DCAF6: variants seen among roughly 807,000 people sequenced by gnomAD.
The protein encoded by DCAF6 is DDB1- and CUL4-associated factor 6.
DCAF6 carries 54 observed loss-of-function variants against 125.1 expected under a neutral mutation model. The observed-to-expected ratio is 0.43, with a 90% CI of 0.35 to 0.54. DCAF6 has a LOEUF of 0.54. DCAF6 is among the 20% of genes least tolerant of loss of function. The pLI, the probability that DCAF6 is intolerant of heterozygous loss-of-function variation, is 0.01. For synonymous variants in DCAF6, 371 were observed against 390.4 expected (o/e 0.95, Z 0.58); for missense variants, 934 against 1,161.7 (o/e 0.80, Z 2.85).
the DCAF6 span, among the ~76,000 whole-genome samples, chr1:167,901,064 C>T: frequency 6.6e-6 from 1 of 152,118 alleles, no homozygotes. Context: ...TACAATGATG[C>T]CTGTATCTCA....
At chr1:167,959,979 T>C (rs1483629894) in intron 2 of DCAF6, among the ~76,000 whole-genome samples, 1 of 152,096 alleles carries the variant, frequency 6.6e-6, no homozygotes, top group Non-Finnish European at 1.5e-5. Context: ...TTCTCAGAGG[T>C]TTATAGTTTT....
chr1:167,878,335 G>A, the DCAF6 span: 1 of 1,251,368 alleles, frequency 8.0e-7, no homozygotes, highest in Non-Finnish European at 1.2e-6. Flanking sequence ...GGAAAGCATA[G>A]ATTTCAACTT....
chr1:167,926,663 G>A, the DCAF6 span, among the ~76,000 whole-genome samples: 1 of 152,328 alleles, frequency 6.6e-6, no homozygotes, highest in Middle Eastern at 3.4e-3. Context: ...AGTGGGTAGA[G>A]GCCTGGGATG....
the DCAF6 span, among the ~76,000 whole-genome samples, chr1:167,886,540 A>C: frequency 6.6e-6 from 1 of 152,184 alleles, no homozygotes; most frequent in Admixed American, 6.5e-5. Context: ...CTTATACAAA[A>C]ATTAATTCAA....
At chr1:168,046,885 A>G (rs1234278772) in intron 16 of DCAF6, among the ~76,000 whole-genome samples, 1 of 152,132 alleles carries the variant, frequency 6.6e-6, no homozygotes, top group Admixed American at 6.5e-5. Flanking sequence ...GTAGTAGAAC[A>G]TGATACGGAG....
the DCAF6 span, among the ~76,000 whole-genome samples, chr1:167,903,225 C>T: frequency 6.6e-6 from 1 of 151,574 alleles, no homozygotes; most frequent in Non-Finnish European, 1.5e-5. Context: ...CACTGCACTC[C>T]AGCCTGGGAG....
chr1:167,985,211 G>GGTGT (rs35325315), intron 4 of DCAF6, among the ~76,000 whole-genome samples: 31 of 134,428 alleles, frequency 2.3e-4, no homozygotes, highest in African/African-American at 5.1e-4. Flanking sequence ...GTGTGTGTGT[G>GGTGT]GTGTGTGTGT....
the DCAF6 span, among the ~76,000 whole-genome samples, chr1:167,908,550 C>T: frequency 6.6e-6 from 1 of 152,114 alleles, no homozygotes; most frequent in Non-Finnish European, 1.5e-5. Context: ...TAGATCTTAA[C>T]TGTTCTCACC....
At chr1:168,069,752 A>G (rs1692799136) in intron 21 of DCAF6, among the ~76,000 whole-genome samples, 1 of 152,220 alleles carries the variant, frequency 6.6e-6, no homozygotes, top group Non-Finnish European at 1.5e-5. Flanking sequence ...ACAACAAAAA[A>G]TAAACCTGGA....
At chr1:167,903,268 T>C in the DCAF6 span, among the ~76,000 whole-genome samples, 2 of 140,032 alleles carry the variant, frequency 1.4e-5, no homozygotes, top group Non-Finnish European at 3.1e-5. Context: ...AAAAAAAAAT[T>C]AATAAATAAA....
At chr1:168,067,761 C>CT (rs1175715765) in intron 20 of DCAF6, among the ~76,000 whole-genome samples, 2 of 152,120 alleles carry the variant, frequency 1.3e-5, no homozygotes, top group Admixed American at 1.3e-4. Context: ...TTCTTTCATC[C>CT]TTTTTTTCCT....
intron 12 of DCAF6, among the ~76,000 whole-genome samples, chr1:168,025,788 A>G (rs1257635897): frequency 6.6e-6 from 1 of 152,224 alleles, no homozygotes; most frequent in East Asian, 1.9e-4. Flanking sequence ...TCAAGATGTA[A>G]ATATAATCAT....
rs141250338 is a variant in DCAF6, at chr1:167,948,903, C to T, written c.98-2897C>T. Among the ~76,000 whole-genome samples, 1,087 of 152,266 alleles carry T rather than the reference C, an allele frequency of 7.1e-3. 12 individuals are homozygous for T. Among genetic ancestry groups the T allele is most frequent in the African/African-American group, 0.024 (1,012 of 41,574 alleles). Reference sequence around the variant, plus strand: ...CTGACTTCAGGTGATCCACCCACCTCGGCCTCCCAAAGTACTGGGATTACA... The same window carrying T: ...CTGACTTCAGGTGATCCACCCACCTTGGCCTCCCAAAGTACTGGGATTACA... On this transcript the variant is annotated intron_variant, in intron 1 of 21. Coordinates refer to ENST00000367840, the MANE Select transcript of DCAF6 (RefSeq NM_001198956.2).
intron 2 of DCAF6, among the ~76,000 whole-genome samples, chr1:167,956,059 C>T (rs1322153863): frequency 3.3e-5 from 5 of 152,192 alleles, no homozygotes; most frequent in Non-Finnish European, 7.3e-5. Flanking sequence ...AGCCGCTGTG[C>T]TTAGCTAAGA....
chr1:168,014,867 G>C (rs1167533906), intron 10 of DCAF6, among the ~76,000 whole-genome samples: 3 of 152,152 alleles, frequency 2.0e-5, no homozygotes, highest in Non-Finnish European at 2.9e-5. Flanking sequence ...CCTTATGAGA[G>C]AAGCTTTCCT....
intron 16 of DCAF6, among the ~76,000 whole-genome samples, chr1:168,046,459 G>GA (rs1689161594): frequency 6.6e-6 from 1 of 152,126 alleles, no homozygotes; most frequent in Non-Finnish European, 1.5e-5. Context: ...TCTTAACTAT[G>GA]AAAGGGTATG....
intron 7 of DCAF6, among the ~76,000 whole-genome samples, chr1:167,997,002 T>G (rs535311411): frequency 3.3e-5 from 5 of 152,310 alleles, no homozygotes; most frequent in African/African-American, 4.8e-5. Context: ...ATTTCATGTG[T>G]TGTTTGCTCC....
the DCAF6 span, chr1:167,875,327 G>A: frequency 2.3e-5 from 18 of 795,260 alleles, no homozygotes; most frequent in Middle Eastern, 2.3e-4. Flanking sequence ...GGTCGCAAAC[G>A]CCAAAAGAAG....
At chr1:168,013,350 A>ATT (rs1684550488) in intron 10 of DCAF6, among the ~76,000 whole-genome samples, 1 of 152,244 alleles carries the variant, frequency 6.6e-6, no homozygotes, top group Non-Finnish European at 1.5e-5. Flanking sequence ...GTAACAAGAA[A>ATT]TTAGTACCTG....
Sources: gnomAD v4.1 joint callset for allele counts (sites outside exome capture counted in the v4.1 genomes callset) on GRCh38, gnomAD v4.1.1 for gene constraint, MANE v1.5 for transcripts, NCBI Gene and HGNC (gene_info 2026-07-23, HGNC 2026-07-21) for gene names.